Variants in VPS13B observed in about 807,000 individuals in gnomAD.
VPS13B encodes the protein vacuolar protein sorting 13 homolog B, also known as intermembrane lipid transfer protein VPS13B.
Under a neutral mutation model 426.4 loss-of-function variants are expected in VPS13B, and 285 were observed. The observed-to-expected ratio is 0.67, with a 90% CI of 0.61 to 0.74. The LOEUF is 0.74. Among genes scored for constraint, VPS13B ranks in the 30% least tolerant of loss-of-function variants. VPS13B has a pLI of 0.00. For missense variants in VPS13B, 4,537 were observed against 4,782.6 expected (o/e 0.95, Z 1.51); for synonymous variants, 1,676 against 1,676.4 (o/e 1.00, Z 0.01).
chr8:99,685,048 G>T (rs539325449), intron 35 of VPS13B, among the ~76,000 whole-genome samples: 1 of 152,164 alleles, frequency 6.6e-6, no homozygotes, highest in African/African-American at 2.4e-5. Flanking sequence ...TGATCCACCC[G>T]CCTTGGCCTA....
intron 34 of VPS13B, among the ~76,000 whole-genome samples, chr8:99,660,528 CTG>C (rs575757393): frequency 3.6e-4 from 54 of 152,094 alleles, no homozygotes; most frequent in Non-Finnish European, 5.4e-4. Context: ...TAAAGAAAAA[CTG>C]TGAATATTTA....
At chr8:99,816,160 T>C (rs2130806733) in intron 44 of VPS13B, among the ~76,000 whole-genome samples, 1 of 151,602 alleles carries the variant, frequency 6.6e-6, no homozygotes, top group Non-Finnish European at 1.5e-5. Context: ...TGGAGTGCAA[T>C]GGTGTGATCT....
At chr8:99,347,364 T>C in intron 19 of VPS13B, 1 of 162,960 alleles carries the variant, frequency 6.1e-6, no homozygotes, top group South Asian at 1.8e-4. Flanking sequence ...AGGTTAATTT[T>C]TACCTGTCAT....
chr8:99,456,421 G>C (rs576401872), intron 23 of VPS13B, among the ~76,000 whole-genome samples: 4 of 152,120 alleles, frequency 2.6e-5, no homozygotes, highest in African/African-American at 9.6e-5. Flanking sequence ...TGCCCACCTT[G>C]GCCTCCTCAA....
chr8:99,437,633 G>A (rs1020505384), intron 22 of VPS13B, among the ~76,000 whole-genome samples: 6 of 152,162 alleles, frequency 3.9e-5, no homozygotes, highest in African/African-American at 1.2e-4. Flanking sequence ...CAGGAGAATC[G>A]CTTGAACCTG....
chr8:99,219,687 G>C (rs1465105246), intron 17 of VPS13B, among the ~76,000 whole-genome samples: 2 of 152,184 alleles, frequency 1.3e-5, no homozygotes. Flanking sequence ...GTGATAACAA[G>C]CCTACTCTCG....
chr8:99,858,319 C>G (rs150792104), intron 56 of VPS13B, among the ~76,000 whole-genome samples: 1 of 152,220 alleles, frequency 6.6e-6, no homozygotes, highest in Non-Finnish European at 1.5e-5. Flanking sequence ...CCAGACTCCA[C>G]GCACAGCCGC....
At chr8:99,274,673 T>C (rs2132996770) in intron 18 of VPS13B, among the ~76,000 whole-genome samples, 1 of 152,262 alleles carries the variant, frequency 6.6e-6, no homozygotes, top group East Asian at 1.9e-4. Context: ...TATAATTAAA[T>C]AGGAGACCCA....
At chr8:99,689,290 A>C (rs933365026) in intron 35 of VPS13B, among the ~76,000 whole-genome samples, 2 of 152,212 alleles carry the variant, frequency 1.3e-5, no homozygotes, top group Non-Finnish European at 2.9e-5. Flanking sequence ...CTTCCTGTAG[A>C]TCAAACAGTA....
chr8:99,514,337 T>C (rs918574770), intron 29 of VPS13B, among the ~76,000 whole-genome samples: 5 of 152,190 alleles, frequency 3.3e-5, no homozygotes, highest in Non-Finnish European at 5.9e-5. Context: ...ATTTTAAGTA[T>C]ATAATTCAGT....
rs766748471 is a variant in VPS13B at position 99,776,907 on chromosome 8, T to G, written c.7380T>G (p.Phe2460Leu). 10 of 1,614,112 alleles carry G rather than the reference T, an allele frequency of 6.2e-6. No individual in the cohort carries two copies. The South Asian group carries it at 1.1e-4, about 18-fold the overall frequency. Residue 2460 changes from phenylalanine to leucine, a missense_variant, in exon 41 of 62, where the codon TTT (phenylalanine) becomes TTG (leucine). This residue lies in a region of VPS13B where 4,311 missense variants were observed against 4,474.3 expected (regional missense o/e 0.96). Transcript: ENST00000357162. The stretch of plus-strand genomic sequence containing the variant: ...CATCCCTTTGCGTTTCTTTCCAGTT[T>G]GCTCACCTGGAATTCCATCTTTGTC... The part of the protein sequence containing the change: ...FVPSLCVSFQ[F>L]AHLEFHLCHH...
chr8:99,141,925 C>T (rs917575033), intron 12 of VPS13B, among the ~76,000 whole-genome samples: 2 of 148,920 alleles, frequency 1.3e-5, no homozygotes, highest in East Asian at 2.0e-4. Context: ...TGGTGGTGGG[C>T]GCCTGTAGTA....
At chr8:99,694,744 A>G (rs1429236666) in intron 35 of VPS13B, among the ~76,000 whole-genome samples, 1 of 151,944 alleles carries the variant, frequency 6.6e-6, no homozygotes, top group African/African-American at 2.4e-5. Context: ...AGAAACCACC[A>G]TCAGAGTGAA....
At chr8:99,498,604 G>A (rs1235152846) in intron 25 of VPS13B, among the ~76,000 whole-genome samples, 4 of 152,066 alleles carry the variant, frequency 2.6e-5, no homozygotes, top group Non-Finnish European at 5.9e-5. Context: ...ACAATTGTTT[G>A]TATTAAATGG....
At chr8:99,089,682 A>G (rs565572566) in intron 3 of VPS13B, among the ~76,000 whole-genome samples, 1 of 152,256 alleles carries the variant, frequency 6.6e-6, no homozygotes, top group African/African-American at 2.4e-5. Flanking sequence ...TGAAGTTTCC[A>G]GGTAGCAGGC....
chr8:99,525,424 G>A (rs765098337), intron 30 of VPS13B, among the ~76,000 whole-genome samples: 19 of 152,100 alleles, frequency 1.2e-4, no homozygotes, highest in Admixed American at 2.6e-4. Flanking sequence ...CTTTGAATAC[G>A]TAGCTGATAA....
intron 31 of VPS13B, among the ~76,000 whole-genome samples, chr8:99,575,100 A>G (rs529767724): frequency 1.3e-5 from 2 of 152,248 alleles, no homozygotes; most frequent in East Asian, 3.9e-4. Flanking sequence ...CAGGAGATTG[A>G]GGCTACAGTG....
chr8:99,727,350 CA>C (rs1375490564), intron 39 of VPS13B, among the ~76,000 whole-genome samples: 1 of 152,092 alleles, frequency 6.6e-6, no homozygotes, highest in Non-Finnish European at 1.5e-5. Flanking sequence ...AACTTTAAGT[CA>C]ATAAAAAGAC....
intron 19 of VPS13B, among the ~76,000 whole-genome samples, chr8:99,338,270 T>G (rs189829429): frequency 1.3e-5 from 2 of 152,152 alleles, no homozygotes; most frequent in Non-Finnish European, 2.9e-5. Flanking sequence ...ATTGAATTTG[T>G]AGATAATCTT....
Sources: allele counts gnomAD v4.1 joint callset (sites outside exome capture counted in the v4.1 genomes callset), GRCh38; gene constraint gnomAD v4.1.1; regional missense constraint gnomAD v4.1.1; transcripts MANE v1.5; gene names NCBI Gene and HGNC (gene_info 2026-07-23, HGNC 2026-07-21).